The following MLXIPL variants were observed in gnomAD, a reference collection of about 807,000 sequenced individuals.
The protein encoded by MLXIPL is carbohydrate-responsive element-binding protein.
MLXIPL carries 49 observed loss-of-function variants against 81.5 expected under a neutral mutation model. The observed-to-expected ratio is 0.60, with a 90% CI of 0.48 to 0.76. MLXIPL has a LOEUF of 0.76. Ranked by LOEUF, MLXIPL falls within the 30% of genes least tolerant of loss-of-function variation. MLXIPL has a pLI of 0.00. For synonymous variants in MLXIPL, 466 were observed against 485.5 expected, an observed-to-expected ratio of 0.96 and a Z score of 0.53; for missense variants, 1,053 against 1,167.0, an observed-to-expected ratio of 0.90 and a Z score of 1.42.
the MLXIPL span, among the ~76,000 whole-genome samples, chr7:73,639,221 T>C: frequency 1.3e-5 from 2 of 152,184 alleles, no homozygotes; most frequent in African/African-American, 2.4e-5. Context: ...GAGGGGCCAA[T>C]AGGCCATTTT....
At chr7:73,635,721 CCTCT>C in the MLXIPL span, among the ~76,000 whole-genome samples, 4 of 152,230 alleles carry the variant, frequency 2.6e-5, no homozygotes, top group East Asian at 3.9e-4. Flanking sequence ...CATCCATCCC[CCTCT>C]CTATCTATCC....
At chr7:73,602,629 A>G (rs1794973546) in intron 7 of MLXIPL, among the ~76,000 whole-genome samples, 1 of 151,938 alleles carries the variant, frequency 6.6e-6, no homozygotes, top group South Asian at 2.1e-4. Context: ...GCAGTGAGCC[A>G]AGATGATGCC....
Position 73,597,529 on chromosome 7 carries a change from G to A in MLXIPL, c.1256C>T (p.Ala419Val). The A allele has an allele frequency of 1.4e-6, 2 of 1,380,376 alleles. No homozygotes were observed. Among genetic ancestry groups the A allele is most frequent in the Non-Finnish European group, 1.9e-6 (2 of 1,064,890 alleles). 85.5% of individuals were successfully genotyped at this position (1,380,376 alleles called of 1,614,324 possible). Residue 419 changes from alanine (A) to valine (V), a missense_variant, in exon 9 of 17, where the codon GCA (alanine) becomes GTA (valine). By Grantham distance (64) the Ala-to-Val change is moderately conservative. Around this residue, in one of 3 missense-constraint regions of MLXIPL, gnomAD observed 823 missense variants for 933.0 expected, o/e 0.88. Coordinates refer to ENST00000313375, the MANE Select transcript of MLXIPL (RefSeq NM_032951.3). ...PCPPPPFPPM[A>V]PPTALLQEEP... ...TTCCTGCAGCAAAGCAGTGGGTGGTGCCATGGGAGGGAAGGGAGGTGGGGG... is the reference window on the plus strand; with the variant it reads ...TTCCTGCAGCAAAGCAGTGGGTGGTACCATGGGAGGGAAGGGAGGTGGGGG...
At position 73,596,781 on chromosome 7, in the gene MLXIPL, T is replaced by C. The variant is rs782146998; in HGVS notation, c.1680A>G (p.Thr560=). Residue 560 remains threonine (T), a synonymous_variant, in exon 11 of 17, where the codon ACA becomes ACG. Transcript: ENST00000313375. The surrounding 1 kb of genome is among the most constrained non-coding windows in gnomAD (Gnocchi z 4.7). ...GGAATGTGCAGGGGAATTCAGGGAC[T>C]GTCTCCTGCTGGGGTGGAGAAGGGC... is the stretch of plus-strand genomic sequence containing the variant. ...LLRSPGSPQE[T]VPEFPCTFLP... 1.9e-6 allele frequency: 3 copies of C among 1,605,886 alleles called. No homozygotes were observed. The highest frequency in any genetic ancestry group is 2.5e-6 in the Non-Finnish European group (3 of 1,177,060).
intron 7 of MLXIPL, among the ~76,000 whole-genome samples, chr7:73,600,108 G>T (rs1478240848): frequency 6.6e-6 from 1 of 151,874 alleles, no homozygotes; most frequent in African/African-American, 2.4e-5. Context: ...GCTAGGGGAG[G>T]AGGCCTGGCA....
At chr7:73,594,147 G>A in intron 16 of MLXIPL, 127 bp downstream of exon 16, 1 of 1,488,672 alleles carries the variant, frequency 6.7e-7, no homozygotes, top group Non-Finnish European at 9.3e-7. Context: ...CCATCTGGGG[G>A]ATGCGGGGTG....
At chr7:73,618,381 GC>G (rs1796122310) in intron 1 of MLXIPL, among the ~76,000 whole-genome samples, 1 of 152,236 alleles carries the variant, frequency 6.6e-6, no homozygotes, top group African/African-American at 2.4e-5. Context: ...ACAGGCGTGA[GC>G]CACCGCACCT....
the MLXIPL span, among the ~76,000 whole-genome samples, chr7:73,632,173 TA>T: frequency 2.6e-4 from 40 of 151,672 alleles, no homozygotes; most frequent in Non-Finnish European, 5.4e-4. Context: ...ATTATTTATT[TA>T]TTTTTTTTGT....
chr7:73,603,995 C>T (rs975631266), intron 7 of MLXIPL, among the ~76,000 whole-genome samples: 14 of 152,066 alleles, frequency 9.2e-5, no homozygotes, highest in African/African-American at 2.2e-4. Flanking sequence ...GTGGGAGGAT[C>T]GCTTGAGGTC....
intron 7 of MLXIPL, among the ~76,000 whole-genome samples, chr7:73,605,171 G>T (rs755991657): frequency 3.9e-5 from 6 of 152,216 alleles, no homozygotes; most frequent in Non-Finnish European, 8.8e-5. Flanking sequence ...TTTCTTGGGA[G>T]CCCCTGGTTC....
intron 2 of MLXIPL, among the ~76,000 whole-genome samples, chr7:73,612,438 C>G (rs538145146): frequency 6.6e-6 from 1 of 151,852 alleles, no homozygotes; most frequent in Non-Finnish European, 1.5e-5. Flanking sequence ...GTCGGGAGTT[C>G]GAGACCAGCC....
Position 73,624,509 on chromosome 7 carries a change from A to G in MLXIPL, c.-17T>C. The G allele has an allele frequency of 1.3e-6, 2 of 1,523,430 alleles. No homozygotes were observed. The highest frequency in any genetic ancestry group is 1.8e-6 in the Non-Finnish European group (2 of 1,142,424). 94.4% of individuals were successfully genotyped at this position (1,523,430 alleles called of 1,614,324 possible). A position where few individuals can be genotyped will look rare whatever the true frequency, so the allele number is the denominator to read the frequency against. On this transcript the variant is annotated 5_prime_UTR_variant, in exon 1 of 17. Transcript: ENST00000313375. ...GCCGGCCATGGCTGTCGCCGCCGCAACCGCCTGGTCCCTGCTCCGCGCAGC... is the reference window on the plus strand; with the variant it reads ...GCCGGCCATGGCTGTCGCCGCCGCAGCCGCCTGGTCCCTGCTCCGCGCAGC...
chr7:73,616,057 T>A lies in MLXIPL; in HGVS notation c.400+14A>T, dbSNP rs1554600668. 1 of 1,606,722 alleles carries A rather than the reference T, an allele frequency of 6.2e-7. No individual in the cohort carries two copies. Among genetic ancestry groups the A allele is most frequent in the African/African-American group, 1.3e-5 (1 of 74,548 alleles). On this transcript the variant is annotated intron_variant, in intron 2 of 16. Transcript: ENST00000313375. ...AGTCCCTCCCGGCTTGGGAGGCTGG[T>A]GGTAGCCACTCACACTGGATATACC...
upstream of MLXIPL, among the ~76,000 whole-genome samples, chr7:73,629,273 C>G (rs576512514): frequency 2.0e-5 from 3 of 152,156 alleles, no homozygotes; most frequent in Admixed American, 2.0e-4. Context: ...AACTCCTAAC[C>G]TCGTGATCCA....
chr7:73,622,776 T>G (rs1796464989), intron 1 of MLXIPL, among the ~76,000 whole-genome samples: 1 of 152,010 alleles, frequency 6.6e-6, no homozygotes, highest in South Asian at 2.1e-4. Flanking sequence ...GTGCGCTCTG[T>G]CCCTTACCTT....
intron 2 of MLXIPL, 77 bp from the exon 3 acceptor site, chr7:73,607,749 G>T: frequency 7.8e-7 from 1 of 1,280,356 alleles, no homozygotes; most frequent in Non-Finnish European, 1.1e-6. Context: ...GGACTCAAGT[G>T]ACACCCTGCG....
chr7:73,605,631 G>A (rs770684304), intron 7 of MLXIPL, 57 bp downstream of exon 7: 14 of 1,556,328 alleles, frequency 9.0e-6, no homozygotes, highest in African/African-American at 6.8e-5. Flanking sequence ...TGGGCTCATC[G>A]GCCTTCCTCA....
At chr7:73,616,305 C>G in intron 1 of MLXIPL, 128 bp from the exon 2 acceptor site, 2 of 776,758 alleles carry the variant, frequency 2.6e-6, no homozygotes. Flanking sequence ...ATCTGGCCCC[C>G]CAACCCAACC....
intron 1 of MLXIPL, among the ~76,000 whole-genome samples, chr7:73,618,455 T>C (rs1554601254): frequency 6.6e-6 from 1 of 152,038 alleles, no homozygotes; most frequent in Non-Finnish European, 1.5e-5. Flanking sequence ...TTTCCTACAT[T>C]CTGGGGGTGA....
Sources: gnomAD v4.1 joint callset for allele counts (sites outside exome capture counted in the v4.1 genomes callset) on GRCh38, gnomAD v4.1.1 for gene constraint, gnomAD v4.1.1 regional missense constraint, Gnocchi (gnomAD v3.1) non-coding constraint, MANE v1.5 for transcripts, NCBI Gene and HGNC (gene_info 2026-07-23, HGNC 2026-07-21) for gene names.